Variants in MGST1 observed in about 807,000 individuals in gnomAD.
MGST1 encodes the protein microsomal glutathione S-transferase 1, also known as glutathione S-transferase 12.
Under a neutral mutation model 8.9 loss-of-function variants are expected in MGST1, and 5 were observed. The ratio of observed to expected loss-of-function variants is 0.56; its 90% CI spans 0.29 to 1.19. MGST1 has a LOEUF of 1.19. Among genes scored for constraint, MGST1 ranks in the 50% most tolerant of loss-of-function variants. MGST1 has a pLI of 0.08. For missense variants in MGST1, 182 were observed against 187.4 expected (o/e 0.97, Z 0.17); for synonymous variants, 54 against 67.8 (o/e 0.80, Z 1.00).
chr12:16,513,439 CT>C lies in MGST1; in HGVS notation n.483-76087del. 1 of 404,424 alleles carries C rather than the reference CT, an allele frequency of 2.5e-6. No individual in the cohort carries two copies. 25.1% of individuals were successfully genotyped at this position (404,424 alleles called of 1,614,324 possible). The stretch of plus-strand genomic sequence containing the variant: ...GCGTCGTCTCCGGGATCGCCGCCGC[CT>C]TCCACCCGGGCTCGCCTCTGATGCC... On this transcript the variant is annotated intron_variant and non_coding_transcript_variant, in intron 4 of 4. Transcript: ENST00000538857. This position sits in a 1 kb window ranked among gnomAD's most constrained non-coding sequence, Gnocchi z 4.2.
At position 16,559,949 on chromosome 12, in the gene MGST1, G is replaced by T. The variant is rs1234035209; in HGVS notation, n.483-29579G>T. ...CGCTCTAGGCTGGGTGACAGAACCA[G>T]ACCTTGTATTTAAAAAAGCAAAAAC... is the stretch of plus-strand genomic sequence containing the variant. On this transcript the variant is annotated intron_variant and non_coding_transcript_variant, in intron 4 of 4. Transcript: ENST00000538857. This position sits in a 1 kb window ranked among gnomAD's most constrained non-coding sequence, Gnocchi z 4.1. Among the ~76,000 whole-genome samples the T allele has an allele frequency of 1.3e-5, 2 of 151,954 alleles. No homozygotes were observed. The highest frequency in any genetic ancestry group is 6.6e-5 in the Admixed American group (1 of 15,250).
chr12:16,394,851 C>T (rs913538114), intron 1 of MGST1, among the ~76,000 whole-genome samples: 1 of 152,032 alleles, frequency 6.6e-6, no homozygotes, highest in Non-Finnish European at 1.5e-5. Context: ...CCTGCCTCGG[C>T]CTCCCACAGT....
chr12:16,457,756 C>A (rs933190258), intron 4 of MGST1, among the ~76,000 whole-genome samples: 1 of 151,970 alleles, frequency 6.6e-6, no homozygotes, highest in African/African-American at 2.4e-5. Flanking sequence ...TTTGTTTAAA[C>A]TTGCAAGCTG....
Position 16,376,670 on chromosome 12 carries a change from A to G in MGST1, c.*506A>G, listed in dbSNP as rs1940385356. The G allele has an allele frequency of 2.0e-5, 3 of 152,320 alleles. No individual in the cohort carries two copies. The South Asian group carries it at 6.2e-4, about 32-fold the overall frequency. 9.4% of individuals were successfully genotyped at this position (152,320 alleles called of 1,614,324 possible). A position where few individuals can be genotyped will look rare whatever the true frequency, so the allele number is the denominator to read the frequency against. On this transcript the variant is annotated 3_prime_UTR_variant, in exon 4 of 4. Transcript: ENST00000535309. The stretch of plus-strand genomic sequence containing the variant: ...ATTCTAATTTAAAAACCAAAGTAGA[A>G]AGTGGTAAACAATTGGGGAAATGTG...
At chr12:16,553,977 TA>T (rs1942089844) in intron 4 of MGST1, among the ~76,000 whole-genome samples, 1 of 152,146 alleles carries the variant, frequency 6.6e-6, no homozygotes, top group Non-Finnish European at 1.5e-5. Context: ...AATCTGACCC[TA>T]ATTACTTGTA....
intron 4 of MGST1, among the ~76,000 whole-genome samples, chr12:16,545,633 C>T (rs1357152026): frequency 6.6e-6 from 1 of 151,948 alleles, no homozygotes; most frequent in Admixed American, 6.6e-5. Context: ...TCAGTGTACC[C>T]TCACGTCGAT....
intron 1 of MGST1, among the ~76,000 whole-genome samples, chr12:16,415,248 T>G (rs1206340197): frequency 6.6e-6 from 1 of 152,200 alleles, no homozygotes; most frequent in Non-Finnish European, 1.5e-5. Flanking sequence ...CTCAGTAACA[T>G]TAGCAGTTTA....
rs920122313 is a variant in MGST1 at position 16,585,872 on chromosome 12, G to T, written n.483-3656G>T. Among the ~76,000 whole-genome samples, 1 of 152,094 alleles carries T rather than the reference G, an allele frequency of 6.6e-6. No individual in the cohort carries two copies. Among genetic ancestry groups the T allele is most frequent in the Non-Finnish European group, 1.5e-5 (1 of 68,008 alleles). On this transcript the variant is annotated intron_variant and non_coding_transcript_variant, in intron 4 of 4. Transcript: ENST00000538857. This position sits in a 1 kb window ranked among gnomAD's most constrained non-coding sequence, Gnocchi z 4.7. ...ATGTCAACATGTATATGATTCACAG[G>T]CCCAAGTAAAACATCATTTAGTCAT...
At chr12:16,360,511 A>AC (rs1293859247) in intron 3 of MGST1, 2 of 243,646 alleles carry the variant, frequency 8.2e-6, no homozygotes, top group South Asian at 3.1e-4. Context: ...AAAGACAGAA[A>AC]CCAGTGATGG....
At chr12:16,564,944 C>T (rs991992643) in intron 4 of MGST1, among the ~76,000 whole-genome samples, 2 of 152,026 alleles carry the variant, frequency 1.3e-5, no homozygotes, top group Non-Finnish European at 2.9e-5. Flanking sequence ...TATCAACAGA[C>T]TTGGCTAATT....
At chr12:16,429,873 A>C (rs1256556607) in intron 1 of MGST1, among the ~76,000 whole-genome samples, 4 of 152,086 alleles carry the variant, frequency 2.6e-5, no homozygotes, top group Non-Finnish European at 4.4e-5. Flanking sequence ...ATAAGGTAGC[A>C]ATGATGTTTG....
intron 4 of MGST1, among the ~76,000 whole-genome samples, chr12:16,510,366 TC>T (rs1226417793): frequency 6.6e-6 from 1 of 152,318 alleles, no homozygotes; most frequent in Non-Finnish European, 1.5e-5. Context: ...AAATACCTTT[TC>T]CTCACAAACT....
At chr12:16,390,944 T>G (rs1940546914) in intron 1 of MGST1, among the ~76,000 whole-genome samples, 1 of 152,112 alleles carries the variant, frequency 6.6e-6, no homozygotes, top group African/African-American at 2.4e-5. Context: ...AAGTGTTCGC[T>G]TTTCTCCACA....
chr12:16,528,611 G>T (rs1006616974), intron 4 of MGST1, among the ~76,000 whole-genome samples: 6 of 151,978 alleles, frequency 3.9e-5, no homozygotes, highest in Non-Finnish European at 7.4e-5. Flanking sequence ...TATTGTCTTT[G>T]ATAAGTGGCA....
intron 1 of MGST1, among the ~76,000 whole-genome samples, chr12:16,395,825 A>ACC (rs1280498866): frequency 1.4e-5 from 2 of 147,724 alleles, no homozygotes; most frequent in Middle Eastern, 3.4e-3. Flanking sequence ...ACACACACAC[A>ACC]CCACAATTTC....
chr12:16,452,769 C>G (rs1301859679), intron 4 of MGST1, among the ~76,000 whole-genome samples: 2 of 151,758 alleles, frequency 1.3e-5, no homozygotes, highest in Non-Finnish European at 2.9e-5. Flanking sequence ...AAGATATTTT[C>G]CAAACAGAAG....
rs997596309 is a variant in MGST1, at chr12:16,363,590, A to G, written c.222-205A>G. 13 of 385,328 alleles carry G rather than the reference A, an allele frequency of 3.4e-5. No individual in the cohort carries two copies. The highest frequency in any genetic ancestry group is 8.4e-5 in the Admixed American group (2 of 23,934). The allele number at this position is 385,328 out of a possible 1,614,324, so 23.9% of individuals were successfully genotyped here. On this transcript the variant is annotated intron_variant, in intron 3 of 3. Transcript: ENST00000396210. This position sits in a 1 kb window ranked among gnomAD's most constrained non-coding sequence, Gnocchi z 4.6. ...TGTGATATTTAAAGATACACTAAAAATAAAAAGAAACAGAAATAATGAGAG... is the reference window on the plus strand; with the variant it reads ...TGTGATATTTAAAGATACACTAAAAGTAAAAAGAAACAGAAATAATGAGAG...
intron 4 of MGST1, among the ~76,000 whole-genome samples, chr12:16,542,943 G>C (rs1021009472): frequency 6.6e-6 from 1 of 152,134 alleles, no homozygotes; most frequent in Non-Finnish European, 1.5e-5. Context: ...GGTTCTTCAA[G>C]ACTAAAGGTA....
chr12:16,470,736 G>A (rs1941285297), intron 4 of MGST1, among the ~76,000 whole-genome samples: 1 of 151,900 alleles, frequency 6.6e-6, no homozygotes, highest in Admixed American at 6.6e-5. Context: ...AGAAAAACAT[G>A]ACTTGTGACA....
Sources: allele counts gnomAD v4.1 joint callset (sites outside exome capture counted in the v4.1 genomes callset), GRCh38; gene constraint gnomAD v4.1.1; non-coding constraint Gnocchi (gnomAD v3.1); transcripts MANE v1.5; gene names NCBI Gene and HGNC (gene_info 2026-07-23, HGNC 2026-07-21).